Variants in ROBO1 observed in about 807,000 individuals in gnomAD.
ROBO1 encodes the protein roundabout guidance receptor 1.
In ROBO1, 149 loss-of-function variants were observed where a neutral mutation model predicts 195.9. The observed-to-expected ratio is 0.76, with a 90% CI of 0.67 to 0.87. ROBO1 has a LOEUF of 0.87. Among genes scored for constraint, ROBO1 ranks in the 40% least tolerant of loss-of-function variants. The pLI, the probability that ROBO1 is intolerant of heterozygous loss-of-function variation, is 0.00. For synonymous variants in ROBO1, 816 were observed against 733.2 expected (o/e 1.11, Z -1.82); for missense variants, 1,933 against 2,068.3 (o/e 0.93, Z 1.27).
chr3:79,076,415 C>G (rs1276111615), intron 3 of ROBO1, among the ~76,000 whole-genome samples: 1 of 150,586 alleles, frequency 6.6e-6, no homozygotes, highest in African/African-American at 2.4e-5. Flanking sequence ...AAACTCAAAC[C>G]CAGTAGTGTA....
intron 8 of ROBO1, among the ~76,000 whole-genome samples, chr3:78,708,964 T>C (rs2081616557): frequency 6.6e-6 from 1 of 152,172 alleles, no homozygotes; most frequent in Non-Finnish European, 1.5e-5. Context: ...GATAGGTCTT[T>C]AAAAAGATGC....
intron 4 of ROBO1, among the ~76,000 whole-genome samples, chr3:78,756,682 CAT>C (rs1268278986): frequency 6.6e-6 from 1 of 152,028 alleles, no homozygotes; most frequent in East Asian, 1.9e-4. Context: ...TATTTCATAG[CAT>C]GCTTTGTTTA....
At chr3:79,706,751 T>G (rs1455030195) in intron 1 of ROBO1, among the ~76,000 whole-genome samples, 2 of 152,120 alleles carry the variant, frequency 1.3e-5, no homozygotes, top group Admixed American at 1.3e-4. Flanking sequence ...CCACCATGAT[T>G]GTGAGGCGTC....
intron 2 of ROBO1, among the ~76,000 whole-genome samples, chr3:79,551,997 A>C (rs1322174210): frequency 4.1e-5 from 6 of 146,192 alleles, no homozygotes; most frequent in Non-Finnish European, 6.0e-5. Context: ...AAAAAAAAAA[A>C]AAAAAAAAAA....
chr3:79,275,408 A>G (rs183416990), intron 2 of ROBO1, among the ~76,000 whole-genome samples: 5 of 152,130 alleles, frequency 3.3e-5, no homozygotes, highest in Non-Finnish European at 7.4e-5. Context: ...GATGCTGAAA[A>G]AGCATTTGAT....
intron 1 of ROBO1, among the ~76,000 whole-genome samples, chr3:79,624,645 C>T (rs959373278): frequency 2.0e-5 from 3 of 151,924 alleles, no homozygotes; most frequent in Non-Finnish European, 4.4e-5. Context: ...ACAAGAAGAG[C>T]GAACTATTAT....
chr3:78,758,335 A>G (rs547660598), intron 4 of ROBO1, among the ~76,000 whole-genome samples: 1 of 152,156 alleles, frequency 6.6e-6, no homozygotes, highest in South Asian at 2.1e-4. Flanking sequence ...CCTGGGCAAT[A>G]CAGTGGGACA....
At chr3:79,239,737 C>T (rs2082477318) in intron 2 of ROBO1, among the ~76,000 whole-genome samples, 1 of 152,166 alleles carries the variant, frequency 6.6e-6, no homozygotes, top group Non-Finnish European at 1.5e-5. Context: ...TTCTCTTTTA[C>T]ATCTGTTTGA....
intron 26 of ROBO1, among the ~76,000 whole-genome samples, chr3:78,622,767 C>T (rs941365733): frequency 5.3e-5 from 8 of 152,162 alleles, no homozygotes; most frequent in Admixed American, 2.0e-4. Flanking sequence ...TGGATGCCAG[C>T]TGCCATGAAA....
chr3:78,937,634 T>C (rs923656701), intron 4 of ROBO1, among the ~76,000 whole-genome samples: 1 of 152,092 alleles, frequency 6.6e-6, no homozygotes, highest in Non-Finnish European at 1.5e-5. Flanking sequence ...ATCTAGCCTA[T>C]AGATACAACA....
intron 2 of ROBO1, among the ~76,000 whole-genome samples, chr3:79,494,761 A>G (rs920376801): frequency 3.3e-5 from 5 of 152,226 alleles, no homozygotes; most frequent in African/African-American, 1.2e-4. Context: ...TCAAGATATA[A>G]CAGAAAAAAA....
chr3:78,891,221 A>C (rs1559969169), intron 4 of ROBO1, among the ~76,000 whole-genome samples: 2 of 152,194 alleles, frequency 1.3e-5, no homozygotes, highest in African/African-American at 4.8e-5. Flanking sequence ...AAAAATACAA[A>C]AACTCTTAGA....
chr3:79,465,052 A>G (rs1327269674), intron 2 of ROBO1, among the ~76,000 whole-genome samples: 1 of 152,190 alleles, frequency 6.6e-6, no homozygotes, highest in African/African-American at 2.4e-5. Context: ...GGGCACTCCT[A>G]GTTAAACTTG....
At chr3:78,868,451 A>C (rs1008042221) in intron 4 of ROBO1, among the ~76,000 whole-genome samples, 1 of 152,182 alleles carries the variant, frequency 6.6e-6, no homozygotes, top group Admixed American at 6.5e-5. Flanking sequence ...AATAAATTTA[A>C]TATGTGTTTA....
At chr3:79,584,604 T>A (rs72905972) in intron 2 of ROBO1, among the ~76,000 whole-genome samples, 24,139 of 141,202 alleles carry the variant, frequency 0.17, 2,894 homozygotes, top group African/African-American at 0.36. Flanking sequence ...GATTTGTAGG[T>A]GGGTGAGTGT....
chr3:79,708,897 T>G (rs1198509315), intron 1 of ROBO1, among the ~76,000 whole-genome samples: 1 of 152,028 alleles, frequency 6.6e-6, no homozygotes, highest in African/African-American at 2.4e-5. Flanking sequence ...ACAAATATGA[T>G]GAATAGGAGA....
intron 1 of ROBO1, among the ~76,000 whole-genome samples, chr3:79,658,228 C>T (rs1355051212): frequency 5.3e-5 from 8 of 151,980 alleles, no homozygotes; most frequent in Admixed American, 2.6e-4. Context: ...AGTGCCCACC[C>T]GTATGTCAGT....
intron 2 of ROBO1, among the ~76,000 whole-genome samples, chr3:79,521,042 T>C (rs1242780212): frequency 6.6e-6 from 1 of 152,122 alleles, no homozygotes; most frequent in Non-Finnish European, 1.5e-5. Flanking sequence ...GCTACTTTCA[T>C]TGAATAATCT....
intron 10 of ROBO1, among the ~76,000 whole-genome samples, chr3:78,677,490 T>A (rs944971272): frequency 3.3e-5 from 5 of 151,746 alleles, no homozygotes; most frequent in Admixed American, 6.6e-5. Flanking sequence ...TCTACCAAGC[T>A]AATGGAAAAC....
Sources: allele counts gnomAD v4.1 joint callset (sites outside exome capture counted in the v4.1 genomes callset), GRCh38; gene constraint gnomAD v4.1.1; transcripts MANE v1.5; gene names NCBI Gene and HGNC (gene_info 2026-07-23, HGNC 2026-07-21).